CRHBP: variants seen among roughly 807,000 people sequenced by gnomAD.
CRHBP encodes the protein corticotropin releasing hormone binding protein, also known as corticotropin-releasing hormone-binding protein.
CRHBP carries 19 observed loss-of-function variants against 34.9 expected under a neutral mutation model. That is an observed-to-expected ratio of 0.55 (90% CI 0.38 to 0.80). The LOEUF (loss-of-function observed/expected upper bound fraction) is 0.80. Among genes scored for constraint, CRHBP ranks in the 30% least tolerant of loss-of-function variants. CRHBP has a pLI of 0.00. For synonymous variants in CRHBP, 154 were observed against 153.4 expected (o/e 1.00, Z -0.03); for missense variants, 328 against 409.2 (o/e 0.80, Z 1.71).
intron 5 of CRHBP, among the ~76,000 whole-genome samples, chr5:76,962,865 AAAG>A (rs144358967): frequency 0.31 from 47,047 of 151,882 alleles, 8,224 homozygotes; most frequent in African/African-American, 0.48. Flanking sequence ...TTTCCTTTAC[AAAG>A]AAGAAGAAAA....
chr5:76,980,767 G>A lies in CRHBP; in HGVS notation n.468-194G>A, dbSNP rs1008558778. On this transcript the variant is annotated intron_variant and non_coding_transcript_variant, in intron 3 of 3. Coordinates refer to the CRHBP transcript ENST00000514258. ...AGACGGAGTTTCCCCAAGGGAAGGAGAACATCTGATTGGTTCTGTTTCTCT... is the reference window on the plus strand; with the variant it reads ...AGACGGAGTTTCCCCAAGGGAAGGAAAACATCTGATTGGTTCTGTTTCTCT... Among the ~76,000 whole-genome samples the A allele has an allele frequency of 3.9e-5, 6 of 152,198 alleles. No individual in the cohort carries two copies. The South Asian group carries it at 6.2e-4, about 16-fold the overall frequency.
intron 3 of CRHBP, 98 bp downstream of exon 3, chr5:76,954,284 G>T: frequency 1.4e-5 from 20 of 1,415,450 alleles, no homozygotes; most frequent in African/African-American, 1.4e-5. Flanking sequence ...CTGAGCGTAG[G>T]TAGCCAGTGG....
At chr5:76,971,537 G>C (rs1172861709), downstream of CRHBP, among the ~76,000 whole-genome samples, 3 of 152,190 alleles carry the variant, frequency 2.0e-5, no homozygotes, top group Non-Finnish European at 4.4e-5. Context: ...GCTAGGGTTA[G>C]TTAAGGTTGT....
rs112572600 is a variant in CRHBP, at chr5:76,955,359, T to C, written c.334-294T>C. Among the ~76,000 whole-genome samples the C allele has an allele frequency of 3.6e-3, 547 of 152,316 alleles. 3 individuals are homozygous for C. Among genetic ancestry groups the C allele is most frequent in the African/African-American group, 0.012 (511 of 41,578 alleles). On this transcript the variant is annotated intron_variant, in intron 3 of 6. Transcript: ENST00000274368. ...GTAGAAAATATGACCAAGGTAAAAA[T>C]GTACATTGTACGTTGTTTTATTTAC...
At chr5:76,969,643 G>A (rs2135078), downstream of CRHBP, among the ~76,000 whole-genome samples, 58,150 of 152,132 alleles carry the variant, frequency 0.38, 11,391 homozygotes, top group East Asian at 0.57. Context: ...TAGAATTGCA[G>A]TGTTTGCACA....
At chr5:76,971,788 G>T (rs1019813282), downstream of CRHBP, among the ~76,000 whole-genome samples, 1 of 152,112 alleles carries the variant, frequency 6.6e-6, no homozygotes, top group African/African-American at 2.4e-5. Context: ...TGGACTATCT[G>T]CCCTTCTGCC....
Position 76,963,420 on chromosome 5 carries a change from G to A in CRHBP, c.771G>A (p.Met257Ile). ...GAACTGGATTGGACCCTTCCAAGAT[G>A]ACGCCTTTAGCTGATCTCTGCTACC... is the stretch of plus-strand genomic sequence containing the variant. ...LGGTGLDPSK[M>I]TPLADLCYPF... The change falls in exon 6 of 7, where the codon ATG becomes ATA. Residue 257 changes from methionine to isoleucine, a missense_variant. Transcript: ENST00000274368. 1 of 1,614,104 alleles carries A rather than the reference G, an allele frequency of 6.2e-7. No homozygotes were observed. Among genetic ancestry groups the A allele is most frequent in the Non-Finnish European group, 8.5e-7 (1 of 1,180,008 alleles).
intron 5 of CRHBP, among the ~76,000 whole-genome samples, chr5:76,960,265 G>A (rs553098176): frequency 6.6e-6 from 1 of 152,328 alleles, no homozygotes; most frequent in South Asian, 2.1e-4. Flanking sequence ...TAGATCAGAA[G>A]GAACCAGCAG....
chr5:76,957,664 G>A (rs28384188), intron 4 of CRHBP, among the ~76,000 whole-genome samples: 16,494 of 152,090 alleles, frequency 0.11, 1,852 homozygotes, highest in African/African-American at 0.28. Context: ...GATTACAGGC[G>A]TGAGCCACCA....
rs146359925 is a variant in CRHBP at position 76,969,015 on chromosome 5, G to GCA, written c.*145_*146dup. On this transcript the variant is annotated 3_prime_UTR_variant, in exon 7 of 7. Coordinates refer to ENST00000274368, the MANE Select transcript of CRHBP (RefSeq NM_001882.4). ...TATTCCCAGCCTTGAGCGCACGCGC[G>GCA]CACACACACACACACATACACACAC... is the stretch of plus-strand genomic sequence containing the variant. 4.0e-4 allele frequency: 340 copies of GCA among 859,866 alleles called. 1 individual carries two copies. The highest frequency in any genetic ancestry group is 2.4e-3 in the Middle Eastern group (8 of 3,290). 53.3% of individuals were successfully genotyped at this position (859,866 alleles called of 1,614,324 possible).
At chr5:76,971,401 T>A (rs912808429), downstream of CRHBP, among the ~76,000 whole-genome samples, 2 of 152,324 alleles carry the variant, frequency 1.3e-5, no homozygotes, top group African/African-American at 2.4e-5. Context: ...TATTTTTATT[T>A]TTCTCTCTTC....
At chr5:76,953,841 C>A (rs1056827413) in intron 2 of CRHBP, 147 bp downstream of exon 2, 2 of 1,170,874 alleles carry the variant, frequency 1.7e-6, no homozygotes, top group African/African-American at 1.6e-5. Flanking sequence ...GATCGGTCCG[C>A]GGAGGCGCGC....
chr5:76,955,283 G>A (rs1471218836), intron 3 of CRHBP, among the ~76,000 whole-genome samples: 1 of 152,190 alleles, frequency 6.6e-6, no homozygotes, highest in East Asian at 1.9e-4. Flanking sequence ...AAAGAGAGAA[G>A]CTGCACGAAA....
downstream of CRHBP, among the ~76,000 whole-genome samples, chr5:76,974,206 G>A (rs1745987481): frequency 1.3e-5 from 2 of 151,534 alleles, no homozygotes; most frequent in African/African-American, 2.4e-5. Context: ...TAGTAGAGAC[G>A]GGGTTTCACC....
Position 76,953,218 on chromosome 5 carries a change from G to C in CRHBP, c.81+3G>C, listed in dbSNP as rs767030956. 8.7e-6 allele frequency: 14 copies of C among 1,613,812 alleles called. No homozygotes were observed. Among genetic ancestry groups the C allele is most frequent in the Middle Eastern group, 1.6e-4 (1 of 6,084 alleles). ...GAGGGGAAAGCCGGTACCTAGAGGT[G>C]AGCCACCCCTGGACTGACCCATCTC... On this transcript the variant is annotated splice_donor_region_variant and intron_variant, in intron 1 of 6. Coordinates refer to ENST00000274368, the MANE Select transcript of CRHBP (RefSeq NM_001882.4).
intron 3 of CRHBP, among the ~76,000 whole-genome samples, chr5:76,979,786 C>T (rs909152017): frequency 6.6e-6 from 1 of 152,180 alleles, no homozygotes; most frequent in African/African-American, 2.4e-5. Context: ...CACCTTATTG[C>T]AATATCCACC....
downstream of CRHBP, among the ~76,000 whole-genome samples, chr5:76,970,086 T>G (rs1310054699): frequency 6.6e-6 from 1 of 151,868 alleles, no homozygotes; most frequent in African/African-American, 2.4e-5. Flanking sequence ...TAGCTGTGGT[T>G]ACATGTGCGC....
intron 6 of CRHBP, among the ~76,000 whole-genome samples, chr5:76,968,489 A>C (rs888307422): frequency 6.6e-6 from 1 of 152,176 alleles, no homozygotes; most frequent in African/African-American, 2.4e-5. Context: ...TTATTTTTTA[A>C]TAGTGTTCTT....
chr5:76,977,724 T>G (rs1320240230), intron 3 of CRHBP, among the ~76,000 whole-genome samples: 1 of 152,188 alleles, frequency 6.6e-6, no homozygotes, highest in African/African-American at 2.4e-5. Flanking sequence ...CCTCTAAGTG[T>G]TCAGTGAAAG....
Sources: gnomAD v4.1 joint callset for allele counts (sites outside exome capture counted in the v4.1 genomes callset) on GRCh38, gnomAD v4.1.1 for gene constraint, MANE v1.5 for transcripts, NCBI Gene and HGNC (gene_info 2026-07-23, HGNC 2026-07-21) for gene names.